The following RYR2 variants were observed in gnomAD, a reference collection of about 807,000 sequenced individuals.
RYR2 encodes the protein cardiac muscle ryanodine receptor-calcium release channel.
Under a neutral mutation model 601.1 loss-of-function variants are expected in RYR2, and 227 were observed. The ratio of observed to expected loss-of-function variants is 0.38; its 90% CI spans 0.34 to 0.42. The LOEUF is 0.42. Among genes scored for constraint, RYR2 ranks in the 10% least tolerant of loss-of-function variants. RYR2 has a pLI of 1.00. For missense variants in RYR2, 4,646 were observed against 6,156.5 expected (o/e 0.75, Z 8.21); for synonymous variants, 2,223 against 2,175.1 (o/e 1.02, Z -0.61).
intron 12 of RYR2, among the ~76,000 whole-genome samples, chr1:237,433,263 G>GA (rs1707008826): frequency 1.3e-5 from 2 of 151,846 alleles, no homozygotes; most frequent in South Asian, 2.1e-4. Flanking sequence ...GGTATCTCAG[G>GA]AAAAAATAAA....
intron 1 of RYR2, among the ~76,000 whole-genome samples, chr1:237,168,255 ATGT>A (rs1676938718): frequency 6.6e-6 from 1 of 151,932 alleles, no homozygotes; most frequent in Admixed American, 6.6e-5. Flanking sequence ...TAATCGTTAA[ATGT>A]TGTTAGGAAT....
intron 97 of RYR2, chr1:237,800,200 A>G: frequency 6.6e-6 from 1 of 152,244 alleles, no homozygotes; most frequent in East Asian, 1.9e-4. Context: ...TAGGAAATTC[A>G]TACATCCTGA....
chr1:237,727,864 T>C (rs867292585), intron 76 of RYR2, among the ~76,000 whole-genome samples: 3 of 152,038 alleles, frequency 2.0e-5, no homozygotes, highest in Non-Finnish European at 1.5e-5. Flanking sequence ...GCTTAGGTGG[T>C]CCAGGGTACC....
chr1:237,818,218 G>A (rs1362463837), intron 100 of RYR2, among the ~76,000 whole-genome samples: 2 of 152,256 alleles, frequency 1.3e-5, no homozygotes, highest in Admixed American at 6.5e-5. Context: ...CCTGCCCCAG[G>A]ACATTTGGTA....
rs1223476500 is a variant in RYR2, at chr1:237,614,108, C to G, written c.4980C>G (p.Leu1660=). 1 of 1,613,922 alleles carries G rather than the reference C, an allele frequency of 6.2e-7. No individual in the cohort carries two copies. The highest frequency in any genetic ancestry group is 1.3e-5 in the African/African-American group (1 of 74,952). Residue 1660 remains leucine (L), a synonymous_variant, in exon 37 of 105, where the codon CTC becomes CTG. Coordinates refer to ENST00000366574, the MANE Select transcript of RYR2 (RefSeq NM_001035.3). This position sits in a 1 kb window ranked among gnomAD's most constrained non-coding sequence, Gnocchi z 4.3. The part of the protein sequence containing the change: ...LLKFHYHTLR[L]YSAVCALGNH... ...AATTTCACTATCACACTCTCCGGCT[C>G]TACTCAGCCGTCTGTGCTCTTGGGA...
chr1:237,233,682 TC>T (rs1367765211), intron 1 of RYR2, among the ~76,000 whole-genome samples: 14 of 152,116 alleles, frequency 9.2e-5, no homozygotes, highest in Admixed American at 5.9e-4. Context: ...TGAAATGGAG[TC>T]TTGCTCTGTC....
At position 237,692,166 on chromosome 1, in the gene RYR2, C is replaced by A. The variant is rs1222186677; in HGVS notation, c.9067+4662C>A. Among the ~76,000 whole-genome samples, 10 of 152,270 alleles carry A rather than the reference C, an allele frequency of 6.6e-5. No homozygotes were observed. The East Asian group carries it at 1.9e-3, about 29-fold the overall frequency. On this transcript the variant is annotated intron_variant, in intron 63 of 104. Transcript: ENST00000366574. ...TTTCTTTTTACATGTGAAAATAAATCAAATGCCTTGATGATACTCATTTTA... is the reference window on the plus strand; with the variant it reads ...TTTCTTTTTACATGTGAAAATAAATAAAATGCCTTGATGATACTCATTTTA...
chr1:237,172,373 T>C (rs1677500169), intron 1 of RYR2, among the ~76,000 whole-genome samples: 1 of 152,192 alleles, frequency 6.6e-6, no homozygotes, highest in African/African-American at 2.4e-5. Context: ...AGAAGCATCA[T>C]TTAAGAGGCC....
chr1:237,574,144 A>G (rs1672990158), intron 29 of RYR2, among the ~76,000 whole-genome samples: 1 of 152,150 alleles, frequency 6.6e-6, no homozygotes, highest in South Asian at 2.1e-4. Flanking sequence ...ATCTCTTCAG[A>G]GTATCTTTGG....
Position 237,784,944 on chromosome 1 carries a change from C to T in RYR2, c.13232C>T (p.Pro4411Leu), listed in dbSNP as rs1482281708. The change falls in exon 90 of 105, where the codon CCC (proline) becomes CTC (leucine). Residue 4411 changes from proline (P) to leucine (L), a missense_variant. This residue lies in a region of RYR2 where 364 missense variants were observed against 442.9 expected (regional missense o/e 0.82). Transcript: ENST00000366574. The surrounding 1 kb of genome is among the most constrained non-coding windows in gnomAD (Gnocchi z 7.1). ...GLSDLMSNPV[P>L]MPEVQEKFQE... The stretch of plus-strand genomic sequence containing the variant: ...AGTGACCTCATGAGCAACCCAGTCC[C>T]CATGCCTGAGGTGCAGGAAAAATTT... 1.9e-6 allele frequency: 3 copies of T among 1,601,770 alleles called. No homozygotes were observed. The South Asian group carries it at 3.4e-5, about 18-fold the overall frequency.
intron 3 of RYR2, among the ~76,000 whole-genome samples, chr1:237,352,114 G>A (rs1436239488): frequency 6.6e-6 from 1 of 151,772 alleles, no homozygotes; most frequent in Admixed American, 6.6e-5. Flanking sequence ...TAGTAAGTCG[G>A]CATGTAAGAA....
Position 237,634,877 on chromosome 1 carries a change from T to C in RYR2, c.6689-12T>C, listed in dbSNP as rs370972311. ...GATCCAGGTTATATTTCATCTTCAT[T>C]TGAATTAATAGCCTCCCCAGCTATG... On this transcript the variant is annotated splice_polypyrimidine_tract_variant and intron_variant, in intron 43 of 104. Coordinates refer to ENST00000366574, the MANE Select transcript of RYR2 (RefSeq NM_001035.3). 2.7e-4 allele frequency: 431 copies of C among 1,589,816 alleles called. 1 individual carries two copies. In the Middle Eastern group the frequency reaches 0.011, roughly 42 times the overall value.
chr1:237,508,134 T>G (rs1665460226), intron 23 of RYR2, among the ~76,000 whole-genome samples: 1 of 152,122 alleles, frequency 6.6e-6, no homozygotes, highest in African/African-American at 2.4e-5. Flanking sequence ...TGGCTAATTT[T>G]GTATTTTTAG....
chr1:237,169,132 T>C (rs78779075), intron 1 of RYR2, among the ~76,000 whole-genome samples: 6,185 of 152,302 alleles, frequency 0.041, 372 homozygotes, highest in African/African-American at 0.13. Context: ...TTATATAAAA[T>C]ACTAAATTGT....
At chr1:237,701,259 A>G (rs1466201773) in intron 65 of RYR2, among the ~76,000 whole-genome samples, 1 of 152,210 alleles carries the variant, frequency 6.6e-6, no homozygotes, top group Non-Finnish European at 1.5e-5. Context: ...GTCCGGGTGC[A>G]GTGGCGCATG....
chr1:237,771,272 A>G (rs1694250329), intron 85 of RYR2, among the ~76,000 whole-genome samples: 1 of 151,790 alleles, frequency 6.6e-6, no homozygotes, highest in African/African-American at 2.4e-5. Flanking sequence ...TTATCCAGAC[A>G]TGGTGGTGCG....
intron 10 of RYR2, among the ~76,000 whole-genome samples, chr1:237,413,333 G>A (rs1384942753): frequency 1.3e-5 from 2 of 152,110 alleles, no homozygotes; most frequent in East Asian, 1.9e-4. Context: ...AGGTAGGAAG[G>A]AGGATTCAAC....
chr1:237,149,863 G>C (rs1175819979), intron 1 of RYR2, among the ~76,000 whole-genome samples: 1 of 152,042 alleles, frequency 6.6e-6, no homozygotes, highest in East Asian at 1.9e-4. Context: ...ATAGATGTGA[G>C]TATTTTCAAA....
rs569111500 is a variant in RYR2 at position 237,170,521 on chromosome 1, C to T, written c.49-99976C>T. 7.2e-5 allele frequency among the ~76,000 whole-genome samples: 11 copies of T among 152,262 alleles called. No individual in the cohort carries two copies. In the East Asian group the frequency reaches 7.7e-4, roughly 11 times the overall value. ...CAGAAGACTGGCTAATTATAAAATA[C>T]GACTAAGCGGAAACAGCTTTGTAGC... On this transcript the variant is annotated intron_variant, in intron 1 of 104. Transcript: ENST00000366574.
Sources: allele counts gnomAD v4.1 joint callset (sites outside exome capture counted in the v4.1 genomes callset), GRCh38; gene constraint gnomAD v4.1.1; regional missense constraint gnomAD v4.1.1; non-coding constraint Gnocchi (gnomAD v3.1); transcripts MANE v1.5; gene names NCBI Gene and HGNC (gene_info 2026-07-23, HGNC 2026-07-21).